ZSCAN25: variants seen among roughly 807,000 people sequenced by gnomAD.
The protein encoded by ZSCAN25 is zinc finger and SCAN domain containing 25.
In ZSCAN25, 27 loss-of-function variants were observed where a neutral mutation model predicts 38.7. That is an observed-to-expected ratio of 0.70 (90% CI 0.51 to 0.96). The LOEUF (loss-of-function observed/expected upper bound fraction) is 0.96. Ranked by LOEUF, ZSCAN25 falls within the 40% of genes least tolerant of loss-of-function variation. The pLI, the probability that ZSCAN25 is intolerant of heterozygous loss-of-function variation, is 0.00. For synonymous variants in ZSCAN25, 273 were observed against 277.7 expected, an observed-to-expected ratio of 0.98 and a Z score of 0.17; for missense variants, 637 against 705.9, an observed-to-expected ratio of 0.90 and a Z score of 1.11.
At chr7:99,624,867 G>A (rs1011948545) in intron 7 of ZSCAN25, among the ~76,000 whole-genome samples, 13 of 152,238 alleles carry the variant, frequency 8.5e-5, no homozygotes, top group Admixed American at 7.2e-4. Context: ...GCAAGGGACA[G>A]TATGGAGAGT....
the ZSCAN25 span, among the ~76,000 whole-genome samples, chr7:99,642,200 T>A: frequency 6.6e-6 from 1 of 152,226 alleles, no homozygotes; most frequent in Non-Finnish European, 1.5e-5. Flanking sequence ...TCTTTGACAC[T>A]CTTTTCACCA....
the ZSCAN25 span, chr7:99,677,145 A>G: frequency 1.0e-6 from 1 of 983,852 alleles, no homozygotes; most frequent in African/African-American, 1.7e-5. Flanking sequence ...CCTGCCTGGA[A>G]CTCATCTTTC....
chr7:99,626,160 C>A (rs913542266), intron 7 of ZSCAN25, among the ~76,000 whole-genome samples: 15 of 152,308 alleles, frequency 9.8e-5, no homozygotes, highest in Middle Eastern at 3.4e-3. Flanking sequence ...CAAGAACTCA[C>A]AACAGGATTT....
chr7:99,699,431 G>A, the ZSCAN25 span, among the ~76,000 whole-genome samples: 8 of 152,080 alleles, frequency 5.3e-5, no homozygotes, highest in Admixed American at 2.0e-4. Context: ...GGTGTTCCCC[G>A]GTGTGTTATG....
chr7:99,634,866 CG>C (rs1275322216), downstream of ZSCAN25, among the ~76,000 whole-genome samples: 6 of 152,070 alleles, frequency 3.9e-5, no homozygotes, highest in East Asian at 5.8e-4. Context: ...CACTTGAACC[CG>C]GGGGGCGGAG....
At chr7:99,660,653 G>C in the ZSCAN25 span, 1 of 1,613,806 alleles carries the variant, frequency 6.2e-7, no homozygotes, top group Non-Finnish European at 8.5e-7. Context: ...CTCCAGATCA[G>C]ACAGAGCTGA....
the ZSCAN25 span, among the ~76,000 whole-genome samples, chr7:99,723,091 G>A: frequency 6.6e-6 from 1 of 152,074 alleles, no homozygotes; most frequent in Non-Finnish European, 1.5e-5. Context: ...AAGAAGGTCC[G>A]AGGAATGTGT....
chr7:99,623,133 A>G (rs545575311), intron 6 of ZSCAN25, among the ~76,000 whole-genome samples: 1 of 152,238 alleles, frequency 6.6e-6, no homozygotes, highest in South Asian at 2.1e-4. Flanking sequence ...ACTGTTACAG[A>G]TAGAAACCCC....
At chr7:99,676,192 G>A in the ZSCAN25 span, 12,686 of 1,613,744 alleles carry the variant, frequency 7.9e-3, 67 homozygotes, top group Non-Finnish European at 9.1e-3. Context: ...AAAAGTCCAT[G>A]TGTACGGGTC....
At chr7:99,695,722 A>G in the ZSCAN25 span, 2 of 1,596,672 alleles carry the variant, frequency 1.3e-6, no homozygotes, top group Non-Finnish European at 1.7e-6. Context: ...TAAGAAGCCA[A>G]AGAGTGAGCT....
chr7:99,632,989 G>GTTGTTTTTTTTTTTT (rs1554412109), downstream of ZSCAN25, among the ~76,000 whole-genome samples: 6 of 128,552 alleles, frequency 4.7e-5, 1 homozygote, highest in African/African-American at 1.5e-4. Flanking sequence ...ATTTTCTGTT[G>GTTGTTTTTTTTTTTT]TTTTTTTTTT....
the ZSCAN25 span, among the ~76,000 whole-genome samples, chr7:99,637,969 T>G: frequency 6.6e-6 from 1 of 152,202 alleles, no homozygotes; most frequent in Non-Finnish European, 1.5e-5. Flanking sequence ...AGAACTGCTG[T>G]ATATCCCCCA....
intron 7 of ZSCAN25, among the ~76,000 whole-genome samples, chr7:99,627,590 A>G (rs1008067429): frequency 4.6e-5 from 7 of 152,152 alleles, no homozygotes; most frequent in African/African-American, 1.7e-4. Context: ...AATGTGTGAG[A>G]CAATTACCTG....
At chr7:99,663,112 G>C in the ZSCAN25 span, 3 of 1,238,340 alleles carry the variant, frequency 2.4e-6, no homozygotes, top group Non-Finnish European at 3.1e-6. Flanking sequence ...TTGCTTTTTC[G>C]CCTTTGCCCT....
the ZSCAN25 span, among the ~76,000 whole-genome samples, chr7:99,687,906 A>C: frequency 6.6e-6 from 1 of 152,180 alleles, no homozygotes; most frequent in South Asian, 2.1e-4. Flanking sequence ...CCAGAATCTC[A>C]TATCCAGACA....
the ZSCAN25 span, among the ~76,000 whole-genome samples, chr7:99,690,845 TGACTGTAA>T: frequency 6.6e-6 from 1 of 152,116 alleles, no homozygotes; most frequent in Non-Finnish European, 1.5e-5. Flanking sequence ...ACTGTTGGTG[TGACTGTAA>T]ACTAGTTCAA....
Position 99,630,595 on chromosome 7 carries a change from G to T in ZSCAN25, c.*575G>T. 3 of 986,470 alleles carry T rather than the reference G, an allele frequency of 3.0e-6. No homozygotes were observed. Among genetic ancestry groups the T allele is most frequent in the Non-Finnish European group, 3.6e-6 (3 of 830,790 alleles). The allele number at this position is 986,470 out of a possible 1,614,324, so 61.1% of individuals were successfully genotyped here. On this transcript the variant is annotated 3_prime_UTR_variant, in exon 8 of 8. Coordinates refer to ENST00000394152, the MANE Select transcript of ZSCAN25 (RefSeq NM_145115.3). ...CTCAGGGTATCTGTGCTGTGTGCCC[G>T]TGAGAACATCTTCCCATGACCACTC...
the ZSCAN25 span, among the ~76,000 whole-genome samples, chr7:99,661,142 A>G: frequency 6.6e-6 from 1 of 152,186 alleles, no homozygotes; most frequent in African/African-American, 2.4e-5. Context: ...TTTTCTCTAT[A>G]TATGTTTGAG....
At chr7:99,652,561 G>A in the ZSCAN25 span, 1 of 1,606,802 alleles carries the variant, frequency 6.2e-7, no homozygotes, top group South Asian at 1.1e-5. Flanking sequence ...ACCTTTCAGG[G>A]CGGAACTCCT....
Sources: gnomAD v4.1 joint callset for allele counts (sites outside exome capture counted in the v4.1 genomes callset) on GRCh38, gnomAD v4.1.1 for gene constraint, MANE v1.5 for transcripts, NCBI Gene and HGNC (gene_info 2026-07-23, HGNC 2026-07-21) for gene names.